E2F2: variants seen among roughly 807,000 people sequenced by gnomAD.
E2F2 encodes E2F transcription factor 2.
In E2F2, 22 loss-of-function variants were observed where a neutral mutation model predicts 42.2. The ratio of observed to expected loss-of-function variants is 0.52; its 90% CI spans 0.37 to 0.74. The LOEUF (loss-of-function observed/expected upper bound fraction) is 0.74. Among genes scored for constraint, E2F2 ranks in the 30% least tolerant of loss-of-function variants. The pLI is 0.00. For missense variants in E2F2, 481 were observed against 557.8 expected (o/e 0.86, Z 1.39); for synonymous variants, 248 against 251.6 (o/e 0.99, Z 0.13).
chr1:23,506,935 C>T lies in E2F2; in HGVS notation c.*2945G>A, dbSNP rs1280010923. ...ACCTCCCTCTTCCTCCCTGAAGGCA[C>T]ACCAGCCGATCCCATTACTGTGGAA... is the stretch of plus-strand genomic sequence containing the variant. On this transcript the variant is annotated 3_prime_UTR_variant, in exon 7 of 7. Transcript: ENST00000361729. The T allele has an allele frequency of 6.6e-6, 1 of 152,322 alleles. No homozygotes were observed. The highest frequency in any genetic ancestry group is 1.5e-5 in the Non-Finnish European group (1 of 68,136). 9.4% of individuals were successfully genotyped at this position (152,322 alleles called of 1,614,324 possible). A position where few individuals can be genotyped will look rare whatever the true frequency, so the allele number is the denominator to read the frequency against.
chr1:23,526,947 T>A (rs546261085), intron 1 of E2F2, among the ~76,000 whole-genome samples: 1 of 152,272 alleles, frequency 6.6e-6, no homozygotes, highest in East Asian at 1.9e-4. Context: ...ATGCGGCAAG[T>A]GTCCCCCTAA....
chr1:23,521,092 C>G, intron 3 of E2F2, 21 bp from the exon 4 acceptor site: 1 of 1,593,366 alleles, frequency 6.3e-7, no homozygotes, highest in Non-Finnish European at 8.5e-7. Context: ...AGCAGCCCCC[C>G]AGTGTCAGTC....
intron 5 of E2F2, among the ~76,000 whole-genome samples, chr1:23,517,526 A>G (rs925478821): frequency 2.0e-5 from 3 of 152,202 alleles, no homozygotes. Flanking sequence ...TGGGGGCAGG[A>G]CCTTAATTGT....
chr1:23,513,600 G>C (rs908463983), intron 6 of E2F2, among the ~76,000 whole-genome samples: 1 of 151,332 alleles, frequency 6.6e-6, no homozygotes, highest in Admixed American at 6.6e-5. Flanking sequence ...GTGTGTGTGT[G>C]TGTGTGTGTG....
Position 23,509,758 on chromosome 1 carries a change from G to A in E2F2, c.*122C>T. The A allele has an allele frequency of 7.1e-7, 1 of 1,410,398 alleles. No individual in the cohort carries two copies. Among genetic ancestry groups the A allele is most frequent in the African/African-American group, 1.5e-5 (1 of 68,266 alleles). The allele number at this position is 1,410,398 out of a possible 1,614,324, so 87.4% of individuals were successfully genotyped here. ...CTGCCGGCTGGGGCAGGAAAGGCGA[G>A]GAGACCCCATGCCCTGAGGGCAGCA... On this transcript the variant is annotated 3_prime_UTR_variant, in exon 7 of 7. Coordinates refer to ENST00000361729, the MANE Select transcript of E2F2 (RefSeq NM_004091.4).
At chr1:23,513,976 T>C (rs1410867420) in intron 6 of E2F2, among the ~76,000 whole-genome samples, 5 of 151,522 alleles carry the variant, frequency 3.3e-5, no homozygotes, top group Non-Finnish European at 7.4e-5. Context: ...ATACAAAAAT[T>C]AGCCGGGCAT....
At chr1:23,521,769 A>G (rs1643153504) in intron 3 of E2F2, 68 bp downstream of exon 3, 6 of 1,587,422 alleles carry the variant, frequency 3.8e-6, no homozygotes, top group Non-Finnish European at 4.3e-6. Context: ...CCCACTGGCT[A>G]TTGCCTCTGG....
intron 5 of E2F2, 94 bp from the exon 6 acceptor site, chr1:23,516,621 T>C (rs1028372034): frequency 1.1e-5 from 12 of 1,049,078 alleles, no homozygotes; most frequent in South Asian, 1.7e-5. Flanking sequence ...CTGCCATCCA[T>C]GGGTGCAAGC....
chr1:23,521,184 G>T, intron 3 of E2F2, 113 bp from the exon 4 acceptor site: 1 of 1,236,452 alleles, frequency 8.1e-7, no homozygotes. Flanking sequence ...CAGTGGTCAT[G>T]CCTGTCTCTC....
intron 4 of E2F2, 71 bp downstream of exon 4, chr1:23,520,842 C>G: frequency 7.3e-7 from 1 of 1,370,276 alleles, no homozygotes; most frequent in Non-Finnish European, 9.5e-7. Context: ...GTTACTGAAT[C>G]AACTCAGGAT....
Position 23,520,904 on chromosome 1 carries a change from G to C in E2F2, c.737+9C>G. 3 of 1,562,028 alleles carry C rather than the reference G, an allele frequency of 1.9e-6. No individual in the cohort carries two copies. The highest frequency in any genetic ancestry group is 2.6e-6 in the Non-Finnish European group (3 of 1,153,150). On this transcript the variant is annotated intron_variant, in intron 4 of 6. Coordinates refer to ENST00000361729, the MANE Select transcript of E2F2 (RefSeq NM_004091.4). The stretch of plus-strand genomic sequence containing the variant: ...CTCCCTGACACCTTCCCCCAACCAA[G>C]GAGGATATCTCTTGTTGGCCTTGTC...
intron 6 of E2F2, among the ~76,000 whole-genome samples, chr1:23,514,288 G>T (rs1642972162): frequency 6.6e-6 from 1 of 152,186 alleles, no homozygotes; most frequent in African/African-American, 2.4e-5. Flanking sequence ...TGGACCAGAG[G>T]GTGGGGCAGA....
chr1:23,530,951 G>C lies in E2F2; in HGVS notation c.-158C>G, dbSNP rs1643332529. On this transcript the variant is annotated 5_prime_UTR_variant, in exon 1 of 7. Coordinates refer to ENST00000361729, the MANE Select transcript of E2F2 (RefSeq NM_004091.4). This position sits in a 1 kb window ranked among gnomAD's most constrained non-coding sequence, Gnocchi z 4.4. Reference sequence around the variant, plus strand: ...GGGCAAGGCCGGACCCTCCCCTCCTGGCCCGCGGCCGAGCAGAGAGCAGCG... The same window carrying C: ...GGGCAAGGCCGGACCCTCCCCTCCTCGCCCGCGGCCGAGCAGAGAGCAGCG... 2.5e-5 allele frequency: 23 copies of C among 924,666 alleles called. No homozygotes were observed. In the South Asian group the frequency reaches 4.8e-4, roughly 19 times the overall value. The allele number at this position is 924,666 out of a possible 1,614,324, so 57.3% of individuals were successfully genotyped here. A position where few individuals can be genotyped will look rare whatever the true frequency, so the allele number is the denominator to read the frequency against.
intron 6 of E2F2, among the ~76,000 whole-genome samples, chr1:23,512,101 G>A (rs1046318137): frequency 6.6e-6 from 1 of 152,186 alleles, no homozygotes; most frequent in South Asian, 2.1e-4. Context: ...GGGAGGCTGA[G>A]GAAGGAGAAT....
intron 6 of E2F2, 51 bp from the exon 7 acceptor site, chr1:23,510,199 A>C (rs1018300326): frequency 6.7e-7 from 1 of 1,488,630 alleles, no homozygotes; most frequent in South Asian, 1.4e-5. Flanking sequence ...CCAACTCCTC[A>C]GCACGCGAGG....
At chr1:23,510,493 T>C (rs998176735) in intron 6 of E2F2, among the ~76,000 whole-genome samples, 1 of 152,020 alleles carries the variant, frequency 6.6e-6, no homozygotes, top group Non-Finnish European at 1.5e-5. Flanking sequence ...CCCAGCTAAT[T>C]TGTGTATTTT....
At position 23,530,664 on chromosome 1, in the gene E2F2, A is replaced by C; in HGVS notation, c.130T>G (p.Tyr44Asp). The C allele has an allele frequency of 1.2e-6, 2 of 1,613,326 alleles. No homozygotes were observed. Among genetic ancestry groups the C allele is most frequent in the Non-Finnish European group, 1.7e-6 (2 of 1,179,756 alleles). ...SPQLCPATAT[Y>D]YTPLYPQTAP... Reference sequence around the variant, plus strand: ...GTCTGCGGGTACAGCGGTGTGTAGTAGGTAGCAGTAGCTGGGCAGAGCTGG... The same window carrying C: ...GTCTGCGGGTACAGCGGTGTGTAGTCGGTAGCAGTAGCTGGGCAGAGCTGG... Residue 44 changes from tyrosine to aspartate, a missense_variant, in exon 1 of 7, where the codon TAC (tyrosine) becomes GAC (aspartate). Physicochemically the swap from Tyr to Asp is radical, Grantham distance 160. Transcript: ENST00000361729. The surrounding 1 kb of genome is among the most constrained non-coding windows in gnomAD (Gnocchi z 4.4).
chr1:23,512,840 TCCCA>T, intron 6 of E2F2, among the ~76,000 whole-genome samples: 1 of 149,148 alleles, frequency 6.7e-6, no homozygotes, highest in Non-Finnish European at 1.5e-5. Flanking sequence ...TGAGACAGAG[TCCCA>T]CTCTGTCGGT....
intron 5 of E2F2, among the ~76,000 whole-genome samples, chr1:23,518,255 C>T (rs1429666306): frequency 6.6e-6 from 1 of 151,880 alleles, no homozygotes; most frequent in Admixed American, 6.6e-5. Context: ...ATCATGAGGT[C>T]AGGAGTTCAA....
Sources: allele counts gnomAD v4.1 joint callset (sites outside exome capture counted in the v4.1 genomes callset), GRCh38; gene constraint gnomAD v4.1.1; non-coding constraint Gnocchi (gnomAD v3.1); transcripts MANE v1.5; gene names NCBI Gene and HGNC (gene_info 2026-07-23, HGNC 2026-07-21).